The following MTSS2 variants were observed in gnomAD, a reference collection of about 807,000 sequenced individuals.
MTSS2 encodes protein MTSS 2.
Under a neutral mutation model 67.1 loss-of-function variants are expected in MTSS2, and 27 were observed. The ratio of observed to expected loss-of-function variants is 0.40; its 90% CI spans 0.30 to 0.55. The LOEUF (loss-of-function observed/expected upper bound fraction) is 0.55, where lower values mean the gene tolerates loss of function less well. Among genes scored for constraint, MTSS2 ranks in the 20% least tolerant of loss-of-function variants. MTSS2 has a pLI of 0.43. For missense variants in MTSS2, 1,171 were observed against 1,067.8 expected, an observed-to-expected ratio of 1.10 and a Z score of -1.35; for synonymous variants, 624 against 468.6, an observed-to-expected ratio of 1.33 and a Z score of -4.28.
intron 2 of MTSS2, 46 bp downstream of exon 2, chr16:70,680,918 G>GGGGGCCCC: frequency 9.1e-7 from 1 of 1,097,818 alleles, no homozygotes; most frequent in Non-Finnish European, 1.3e-6. Context: ...CGGGGGGGGG[G>GGGGGCCCC]CCTCTGCCTG....
At position 70,674,490 on chromosome 16, in the gene MTSS2, G is replaced by A. The variant is rs143838443; in HGVS notation, c.869C>T (p.Ala290Val). The part of the protein sequence containing the change: ...SSSSSAKGGG[A>V]PWPGGAQTYS... Reference sequence around the variant, plus strand: ...TGTTTGGGCACCCCCAGGCCATGGGGCTCCGCCACCCTTGGCACTGCTACT... The same window carrying A: ...TGTTTGGGCACCCCCAGGCCATGGGACTCCGCCACCCTTGGCACTGCTACT... The change falls in exon 11 of 15, where the codon GCC (alanine) becomes GTC (valine). Residue 290 changes from alanine to valine, a missense_variant. This residue lies in a region of MTSS2 where 924 missense variants were observed against 756.0 expected (regional missense o/e 1.22). Transcript: ENST00000338779. 2.2e-5 allele frequency: 35 copies of A among 1,613,784 alleles called. No homozygotes were observed. The highest frequency in any genetic ancestry group is 3.0e-5 in the Non-Finnish European group (35 of 1,180,020).
At chr16:70,672,078 T>A (rs950421174) in intron 11 of MTSS2, among the ~76,000 whole-genome samples, 3 of 152,186 alleles carry the variant, frequency 2.0e-5, no homozygotes, top group African/African-American at 7.2e-5. Context: ...CCAGGGGCAG[T>A]GGCTCATGCC....
chr16:70,664,904 G>GC lies in MTSS2; in HGVS notation c.1305+15dup. ...GGGACTGACCTGGGCGTGAAGGGGG[G>GC]CCCTGGCCAGCCTACCTTGGCTGCG... On this transcript the variant is annotated intron_variant, in intron 13 of 14. Transcript: ENST00000338779. 1 of 1,532,136 alleles carries GC rather than the reference G, an allele frequency of 6.5e-7. No individual in the cohort carries two copies. Among genetic ancestry groups the GC allele is most frequent in the Admixed American group, 2.0e-5 (1 of 50,576 alleles). The allele number at this position is 1,532,136 out of a possible 1,614,324, so 94.9% of individuals were successfully genotyped here.
At position 70,663,873 on chromosome 16, in the gene MTSS2, G is replaced by GCCACCAGCTCCCCCAGCTTCT; in HGVS notation, c.2027_2047dup (p.Glu676_Val682dup). ...GCCCTCACCCAGTGCGTGGGCACCC[G>GCCACCAGCTCCCCCAGCTTCT]CCACCAGCTCCCCCAGCTTCTCCAC... On this transcript the variant is annotated inframe_insertion, in exon 15 of 15. Coordinates refer to ENST00000338779, the MANE Select transcript of MTSS2 (RefSeq NM_138383.3). 4.5e-6 allele frequency: 7 copies of GCCACCAGCTCCCCCAGCTTCT among 1,542,154 alleles called. No individual in the cohort carries two copies. The highest frequency in any genetic ancestry group is 6.1e-6 in the Non-Finnish European group (7 of 1,145,752).
intron 11 of MTSS2, among the ~76,000 whole-genome samples, chr16:70,673,965 T>C (rs1481025894): frequency 2.0e-5 from 3 of 151,540 alleles, no homozygotes; most frequent in South Asian, 2.1e-4. Flanking sequence ...TCAGGACAAA[T>C]AGAAAGAAGA....
rs1012635912 is a variant in MTSS2, at chr16:70,661,600, G to T, written c.*2077C>A. 1 of 352,786 alleles carries T rather than the reference G, an allele frequency of 2.8e-6. No individual in the cohort carries two copies. The highest frequency in any genetic ancestry group is 5.5e-6 in the Non-Finnish European group (1 of 180,784). The allele number at this position is 352,786 out of a possible 1,614,324, so 21.9% of individuals were successfully genotyped here. A position where few individuals can be genotyped will look rare whatever the true frequency, so the allele number is the denominator to read the frequency against. ...GATGGTTGGCTCGGATCCCGAGGTG[G>T]GTGGGCCTATGAGGTGGTTGCTAAG... On this transcript the variant is annotated 3_prime_UTR_variant, in exon 15 of 15. Transcript: ENST00000338779.
intron 6 of MTSS2, 107 bp from the exon 7 acceptor site, chr16:70,679,430 C>T: frequency 2.1e-6 from 3 of 1,405,808 alleles, no homozygotes; most frequent in Non-Finnish European, 3.0e-6. Context: ...CCTGGGCCTC[C>T]TGCTGCCTCC....
rs11381159 is a variant in MTSS2 at position 70,667,976 on chromosome 16, G to GTT, written c.1054-2438_1054-2437dup. Among the ~76,000 whole-genome samples, 188 of 143,602 alleles carry GTT rather than the reference G, an allele frequency of 1.3e-3. 1 individual carries two copies. The highest frequency in any genetic ancestry group is 7.3e-3 in the Middle Eastern group (2 of 274). The allele number at this position is 143,602 out of a possible 152,430, so 94.2% of individuals were successfully genotyped here. On this transcript the variant is annotated intron_variant, in intron 11 of 14. Coordinates refer to ENST00000338779, the MANE Select transcript of MTSS2 (RefSeq NM_138383.3). ...CTGCAATTCCATTCAAATCCCAGGA[G>GTT]TTTTTTTTTTTTTTCCTTTTGGTAG...
At chr16:70,680,403 C>T (rs1284541484) in intron 3 of MTSS2, among the ~76,000 whole-genome samples, 2 of 152,170 alleles carry the variant, frequency 1.3e-5, no homozygotes, top group African/African-American at 4.8e-5. Flanking sequence ...GGAGCGGGAG[C>T]CCCAGGTCTC....
chr16:70,685,570 G>A (rs1331340164), intron 1 of MTSS2, among the ~76,000 whole-genome samples, 153 bp downstream of exon 1: 1 of 152,104 alleles, frequency 6.6e-6, no homozygotes, highest in African/African-American at 2.4e-5. Flanking sequence ...CCGGAGACAC[G>A]GGCGCCCAGC....
chr16:70,668,198 A>G (rs2052793369), intron 11 of MTSS2, among the ~76,000 whole-genome samples: 1 of 152,086 alleles, frequency 6.6e-6, no homozygotes, highest in East Asian at 1.9e-4. Context: ...GGATTGCTTG[A>G]GAGTAGGAGT....
intron 6 of MTSS2, 144 bp downstream of exon 6, chr16:70,679,486 C>T (rs1281968937): frequency 3.3e-6 from 4 of 1,217,262 alleles, no homozygotes; most frequent in Non-Finnish European, 4.6e-6. Context: ...GCAGCTCCCT[C>T]TGTCCCACCC....
chr16:70,665,692 C>A (rs1266625517), intron 11 of MTSS2, 152 bp from the exon 12 acceptor site: 45 of 608,124 alleles, frequency 7.4e-5, no homozygotes, highest in African/African-American at 6.4e-4. Flanking sequence ...TACCCCAGGG[C>A]CACGGCCGCT....
chr16:70,679,465 T>TG, intron 6 of MTSS2, 142 bp from the exon 7 acceptor site: 9 of 1,260,318 alleles, frequency 7.1e-6, no homozygotes, highest in Non-Finnish European at 9.0e-6. Flanking sequence ...GGACCAGGTT[T>TG]GGGGGGAAGG....
intron 1 of MTSS2, among the ~76,000 whole-genome samples, chr16:70,681,918 G>C (rs548576080): frequency 3.3e-5 from 5 of 152,312 alleles, no homozygotes; most frequent in African/African-American, 1.2e-4. Flanking sequence ...GGGCAGCCCT[G>C]GGCCAGCCAA....
intron 1 of MTSS2, among the ~76,000 whole-genome samples, chr16:70,683,844 A>C (rs1016067699): frequency 6.6e-6 from 1 of 152,176 alleles, no homozygotes; most frequent in Non-Finnish European, 1.5e-5. Context: ...CCGCAAATCC[A>C]GGTGGTCAGC....
At chr16:70,682,269 C>A (rs1307933171) in intron 1 of MTSS2, among the ~76,000 whole-genome samples, 4 of 152,186 alleles carry the variant, frequency 2.6e-5, no homozygotes. Flanking sequence ...CAAATGGGCA[C>A]AGCTCAGGGT....
chr16:70,680,438 G>T (rs1161253944), intron 3 of MTSS2, among the ~76,000 whole-genome samples: 1 of 152,144 alleles, frequency 6.6e-6, no homozygotes, highest in Non-Finnish European at 1.5e-5. Context: ...GAGGGCAGAG[G>T]CGGCGCCAAG....
In MTSS2 at chr16:70,676,876, C is replaced by A; in HGVS notation, c.830+5G>T. The A allele has an allele frequency of 6.2e-7, 1 of 1,612,474 alleles. No homozygotes were observed. The highest frequency in any genetic ancestry group is 2.0e-4 in the Middle Eastern group (1 of 5,042). On this transcript the variant is annotated splice_donor_5th_base_variant and intron_variant, in intron 10 of 14. Coordinates refer to ENST00000338779, the MANE Select transcript of MTSS2 (RefSeq NM_138383.3). ...CACACCCCTGGGAACCCCACCCCCA[C>A]TGACCTGCACATGCTGGACTTCCGG...
Sources: allele counts gnomAD v4.1 joint callset (sites outside exome capture counted in the v4.1 genomes callset), GRCh38; gene constraint gnomAD v4.1.1; regional missense constraint gnomAD v4.1.1; transcripts MANE v1.5; gene names NCBI Gene and HGNC (gene_info 2026-07-23, HGNC 2026-07-21).